The following ZC3H12B variants were observed in gnomAD, a reference collection of about 807,000 sequenced individuals.
ZC3H12B encodes the protein probable ribonuclease ZC3H12B.
In ZC3H12B, 7 loss-of-function variants were observed where a neutral mutation model predicts 43.9. That is an observed-to-expected ratio of 0.16 (90% CI 0.09 to 0.30). The LOEUF is 0.30. Ranked by LOEUF, ZC3H12B falls within the 10% of genes least tolerant of loss-of-function variation. ZC3H12B has a pLI of 1.00. For synonymous variants in ZC3H12B, 222 were observed against 241.7 expected, an observed-to-expected ratio of 0.92 and a Z score of 0.76; for missense variants, 475 against 670.2, an observed-to-expected ratio of 0.71 and a Z score of 3.22.
chrX:65,222,674 C>T, the ZC3H12B span, among the ~76,000 whole-genome samples: 3 of 106,363 alleles, frequency 2.8e-5, no homozygotes, highest in Admixed American at 1.0e-4. Context: ...AATTACATAA[C>T]CAAGGCTGTG....
At chrX:65,266,089 G>T in the ZC3H12B span, among the ~76,000 whole-genome samples, 1 of 111,209 alleles carries the variant, frequency 9.0e-6, no homozygotes, top group South Asian at 3.8e-4. Flanking sequence ...ACTATAGAGA[G>T]AAAAAGCTCC....
At chrX:65,439,140 G>T (rs1395903293) in intron 3 of ZC3H12B, among the ~76,000 whole-genome samples, 2 of 112,305 alleles carry the variant, frequency 1.8e-5, no homozygotes, top group East Asian at 5.6e-4. Flanking sequence ...TAATTTGTCT[G>T]CAGCTCCTTC....
chrX:65,307,602 ATGATC>A, the ZC3H12B span, among the ~76,000 whole-genome samples: 1 of 111,827 alleles, frequency 8.9e-6, no homozygotes, highest in Non-Finnish European at 1.9e-5. Flanking sequence ...GCAGAATAAA[ATGATC>A]CTGGGGAAAA....
the ZC3H12B span, among the ~76,000 whole-genome samples, chrX:65,345,632 C>A: frequency 9.0e-6 from 1 of 111,145 alleles, no homozygotes; most frequent in Non-Finnish European, 1.9e-5. Flanking sequence ...ATCTGTACAA[C>A]ACATCCCCAT....
At chrX:65,200,259 G>A in the ZC3H12B span, among the ~76,000 whole-genome samples, 2 of 110,618 alleles carry the variant, frequency 1.8e-5, no homozygotes, top group Non-Finnish European at 3.8e-5. Flanking sequence ...CTTCTTTTGA[G>A]AAGTGTCTGT....
intron 3 of ZC3H12B, among the ~76,000 whole-genome samples, chrX:65,447,992 G>A (rs1368904923): frequency 9.0e-6 from 1 of 110,829 alleles, no homozygotes; most frequent in Non-Finnish European, 1.9e-5. Flanking sequence ...CAGCACTTTG[G>A]GAGTCTGAGG....
the ZC3H12B span, among the ~76,000 whole-genome samples, chrX:65,329,418 T>C: frequency 9.3e-6 from 1 of 107,369 alleles, no homozygotes; most frequent in Non-Finnish European, 1.9e-5. Flanking sequence ...CTTGTAAATG[T>C]GTTTGAGTTC....
the ZC3H12B span, among the ~76,000 whole-genome samples, chrX:65,237,718 T>C: frequency 2.3e-4 from 26 of 111,715 alleles, no homozygotes; most frequent in Non-Finnish European, 4.1e-4. Context: ...ATGGCTGTTA[T>C]TATTTTGAGG....
At chrX:65,428,181 CTG>C in intron 3 of ZC3H12B, among the ~76,000 whole-genome samples, 1 of 111,813 alleles carries the variant, frequency 8.9e-6, no homozygotes, top group South Asian at 3.8e-4. Context: ...TTATGTCTGG[CTG>C]CTTTTAACAG....
At chrX:65,217,812 G>C in the ZC3H12B span, among the ~76,000 whole-genome samples, 62 of 111,602 alleles carry the variant, frequency 5.6e-4, no homozygotes, top group African/African-American at 2.0e-3. Context: ...TCTAGAAAAA[G>C]CCCAAATGGG....
the ZC3H12B span, among the ~76,000 whole-genome samples, chrX:65,091,471 C>T: frequency 8.9e-6 from 1 of 112,373 alleles, no homozygotes; most frequent in Admixed American, 9.4e-5. Context: ...AAAACTAATA[C>T]ATACCTATTA....
upstream of ZC3H12B, among the ~76,000 whole-genome samples, chrX:65,363,726 T>A (rs2066135465): frequency 8.9e-6 from 1 of 112,169 alleles, no homozygotes; most frequent in Non-Finnish European, 1.9e-5. Context: ...TTGACCTTAC[T>A]GTTTTAGGCT....
At chrX:65,206,683 C>T in the ZC3H12B span, among the ~76,000 whole-genome samples, 2 of 111,690 alleles carry the variant, frequency 1.8e-5, no homozygotes, top group East Asian at 5.6e-4. Flanking sequence ...AACTAAAAAG[C>T]TTCTGCACAG....
chrX:65,399,246 C>T (rs1295857240), intron 3 of ZC3H12B, among the ~76,000 whole-genome samples: 1 of 112,301 alleles, frequency 8.9e-6, no homozygotes, highest in Non-Finnish European at 1.9e-5. Flanking sequence ...AGACAACCTA[C>T]AGAATTAGAG....
At chrX:65,162,440 T>A in the ZC3H12B span, among the ~76,000 whole-genome samples, 1 of 111,922 alleles carries the variant, frequency 8.9e-6, no homozygotes, top group Non-Finnish European at 1.9e-5. Flanking sequence ...ACAAAGTCCC[T>A]TATTTCCTGG....
the ZC3H12B span, among the ~76,000 whole-genome samples, chrX:65,299,625 A>C: frequency 8.9e-6 from 1 of 112,094 alleles, no homozygotes; most frequent in Non-Finnish European, 1.9e-5. Context: ...TTTAAATTAA[A>C]TTAAACATTA....
chrX:65,131,946 G>A, the ZC3H12B span, among the ~76,000 whole-genome samples: 2 of 111,378 alleles, frequency 1.8e-5, no homozygotes, highest in Non-Finnish European at 3.8e-5. Flanking sequence ...AAGGTGAGAA[G>A]CGAAGGGGTG....
chrX:65,113,637 C>T, the ZC3H12B span, among the ~76,000 whole-genome samples: 2 of 109,933 alleles, frequency 1.8e-5, no homozygotes, highest in Non-Finnish European at 3.8e-5. Context: ...ATTGATGTTG[C>T]AAACTTCATT....
the ZC3H12B span, among the ~76,000 whole-genome samples, chrX:65,150,336 A>G: frequency 9.0e-6 from 1 of 111,112 alleles, no homozygotes; most frequent in Non-Finnish European, 1.9e-5. Flanking sequence ...CTGGACCTTC[A>G]TATTTGCTGA....
Sources: gnomAD v4.1 joint callset for allele counts (sites outside exome capture counted in the v4.1 genomes callset) on GRCh38, gnomAD v4.1.1 for gene constraint, MANE v1.5 for transcripts, NCBI Gene and HGNC (gene_info 2026-07-23, HGNC 2026-07-21) for gene names.